TNRC18: variants seen among roughly 807,000 people sequenced by gnomAD.
TNRC18 encodes trinucleotide repeat containing 18, also known as trinucleotide repeat-containing gene 18 protein.
In TNRC18, 69 loss-of-function variants were observed where a neutral mutation model predicts 226.7. The ratio of observed to expected loss-of-function variants is 0.30; its 90% CI spans 0.25 to 0.37. TNRC18 has a LOEUF of 0.37. TNRC18 is among the 10% of genes least tolerant of loss of function. TNRC18 has a pLI of 1.00. For missense variants in TNRC18, 4,754 were observed against 4,256.6 expected (o/e 1.12, Z -3.25); for synonymous variants, 2,449 against 1,927.6 (o/e 1.27, Z -7.09).
chr7:5,315,907 G>A (rs1787798452), intron 25 of TNRC18, 49 bp downstream of exon 25: 1 of 1,423,464 alleles, frequency 7.0e-7, no homozygotes, highest in Non-Finnish European at 9.5e-7. Flanking sequence ...CGAGAGCCTG[G>A]GTGGGCGGCC....
intron 11 of TNRC18, among the ~76,000 whole-genome samples, chr7:5,364,198 T>G (rs1433863002): frequency 6.6e-6 from 1 of 151,880 alleles, no homozygotes; most frequent in African/African-American, 2.4e-5. Context: ...ATTCGGGGGT[T>G]GAGGCATAAG....
intron 2 of TNRC18, among the ~76,000 whole-genome samples, chr7:5,405,092 G>A (rs985340123): frequency 2.0e-5 from 3 of 150,840 alleles, no homozygotes; most frequent in African/African-American, 7.4e-5. Flanking sequence ...ACTCCAGCCT[G>A]GGCAACAGAG....
chr7:5,322,981 C>A lies in TNRC18; in HGVS notation c.6442+1233G>T, dbSNP rs1270932316. The stretch of plus-strand genomic sequence containing the variant: ...CTTAAGCCCAACTTTTCCTCTTAAG[C>A]CACGGGTCTGGCAGGATAAACAACA... On this transcript the variant is annotated intron_variant, in intron 21 of 29. Transcript: ENST00000430969. Among the ~76,000 whole-genome samples, 6 of 152,184 alleles carry A rather than the reference C, an allele frequency of 3.9e-5. No individual in the cohort carries two copies. In the East Asian group the frequency reaches 9.6e-4, roughly 24 times the overall value.
At chr7:5,399,280 G>A (rs777912904) in intron 2 of TNRC18, among the ~76,000 whole-genome samples, 10 of 152,126 alleles carry the variant, frequency 6.6e-5, no homozygotes, top group African/African-American at 2.4e-4. Flanking sequence ...ACCAACCTGC[G>A]GTATGGGGGT....
At chr7:5,315,246 A>T in intron 25 of TNRC18, 98 bp from the exon 26 acceptor site, 2 of 1,340,274 alleles carry the variant, frequency 1.5e-6, no homozygotes, top group Non-Finnish European at 2.0e-6. Context: ...ATGGGGGCGG[A>T]AGCAACCGAC....
chr7:5,335,466 G>A (rs1453886259), intron 18 of TNRC18, among the ~76,000 whole-genome samples: 3 of 151,826 alleles, frequency 2.0e-5, no homozygotes, highest in Non-Finnish European at 4.4e-5. Context: ...AAATTAGCCA[G>A]GCATGGTGGT....
chr7:5,332,793 G>A lies in TNRC18; in HGVS notation c.5976C>T (p.Asp1992=), dbSNP rs754506287. 2 of 1,513,382 alleles carry A rather than the reference G, an allele frequency of 1.3e-6. No homozygotes were observed. Among genetic ancestry groups the A allele is most frequent in the South Asian group, 1.2e-5 (1 of 82,004 alleles). The allele number at this position is 1,513,382 out of a possible 1,614,324, so 93.7% of individuals were successfully genotyped here. A position where few individuals can be genotyped will look rare whatever the true frequency, so the allele number is the denominator to read the frequency against. The change falls in exon 19 of 30, where the codon GAC becomes GAT. Residue 1992 remains aspartate (D), a synonymous_variant. Transcript: ENST00000430969. ...GCTCGCTGCGGCGCCGCGTCCACAG[G>A]TCGTCGTCGCTGGCCTCGGGCCCCG... ...FEAGPEASDD[D]LWTRRRSERI... is the part of the protein sequence containing the mutation.
At chr7:5,392,445 C>T (rs1456241466) in intron 3 of TNRC18, among the ~76,000 whole-genome samples, 6 of 151,902 alleles carry the variant, frequency 3.9e-5, no homozygotes, top group African/African-American at 1.5e-4. Flanking sequence ...AAAGCCCTGT[C>T]TGTACTAAAA....
At chr7:5,356,180 A>G (rs1377310546) in intron 16 of TNRC18, among the ~76,000 whole-genome samples, 1 of 146,318 alleles carries the variant, frequency 6.8e-6, no homozygotes, top group Non-Finnish European at 1.5e-5. Flanking sequence ...AAAAAAAAAA[A>G]AAAAGAAAGA....
intron 9 of TNRC18, among the ~76,000 whole-genome samples, chr7:5,374,813 T>G (rs1030935009): frequency 1.3e-5 from 2 of 152,138 alleles, no homozygotes; most frequent in African/African-American, 4.8e-5. Context: ...GGGGGCCAGA[T>G]GGGGGGCACA....
At position 5,377,328 on chromosome 7, in the gene TNRC18, C is replaced by A; in HGVS notation, c.2461+43G>T. ...TTGTCCTGCACCCGCCCCCTCCCACCCCTCCCTCAGAGAAGGGGAGAGACC... is the reference window on the plus strand; with the variant it reads ...TTGTCCTGCACCCGCCCCCTCCCACACCTCCCTCAGAGAAGGGGAGAGACC... On this transcript the variant is annotated intron_variant, in intron 7 of 29. Transcript: ENST00000430969. This position sits in a 1 kb window ranked among gnomAD's most constrained non-coding sequence, Gnocchi z 5.8. The A allele has an allele frequency of 8.3e-7, 1 of 1,211,542 alleles. No homozygotes were observed. The highest frequency in any genetic ancestry group is 1.5e-5 in the South Asian group (1 of 68,448). 75.0% of individuals were successfully genotyped at this position (1,211,542 alleles called of 1,614,324 possible). A position where few individuals can be genotyped will look rare whatever the true frequency, so the allele number is the denominator to read the frequency against.
intron 10 of TNRC18, among the ~76,000 whole-genome samples, chr7:5,372,197 A>G (rs1794219939): frequency 6.6e-6 from 1 of 151,064 alleles, no homozygotes; most frequent in African/African-American, 2.4e-5. Context: ...CCTCCCAAGT[A>G]GCTGGGACGA....
intron 14 of TNRC18, among the ~76,000 whole-genome samples, chr7:5,360,240 A>T (rs1255387272): frequency 4.8e-5 from 7 of 146,800 alleles, no homozygotes; most frequent in Non-Finnish European, 9.0e-5. Context: ...TATTTATTTA[A>T]TTTATTTTTA....
At position 5,332,909 on chromosome 7, in the gene TNRC18, C is replaced by T. The variant is rs866070564; in HGVS notation, c.5860G>A (p.Asp1954Asn). The change falls in exon 19 of 30, where the codon GAC (aspartate) becomes AAC (asparagine). Residue 1954 changes from aspartate to asparagine, a missense_variant. Transcript: ENST00000430969. ...TTGGCCTTGTCTGGGCTGCTGGGGT[C>T]GGGACCGCGGGCGCCAGGCGTGGGT... The part of the protein sequence containing the change: ...AAPTPGARGP[D>N]PSSPDKAKLA... 4.6e-6 allele frequency: 7 copies of T among 1,536,884 alleles called. No homozygotes were observed. Among genetic ancestry groups the T allele is most frequent in the Middle Eastern group, 4.1e-4 (2 of 4,906 alleles).
Position 5,421,346 on chromosome 7 carries a change from CGGCGGGGGCTCCGCGGCGTGCAT to C in TNRC18, c.-123_-101del. The C allele has an allele frequency of 9.0e-7, 1 of 1,112,792 alleles. No individual in the cohort carries two copies. Among genetic ancestry groups the C allele is most frequent in the Non-Finnish European group, 1.1e-6 (1 of 883,912 alleles). 68.9% of individuals were successfully genotyped at this position (1,112,792 alleles called of 1,614,324 possible). A position where few individuals can be genotyped will look rare whatever the true frequency, so the allele number is the denominator to read the frequency against. On this transcript the variant is annotated 5_prime_UTR_variant, in exon 2 of 30. The change abolishes an upstream ATG in the 5' untranslated region. Transcript: ENST00000430969. The stretch of plus-strand genomic sequence containing the variant: ...TCGGCGTAGTCCCAGAGTCCTCGGG[CGGCGGGGGCTCCGCGGCGTGCAT>C]GGCGGCGGCCAGCGGGGCTTGCGCT...
chr7:5,415,463 G>A (rs1411188229), intron 2 of TNRC18, among the ~76,000 whole-genome samples: 1 of 133,382 alleles, frequency 7.5e-6, no homozygotes, highest in Non-Finnish European at 1.5e-5. Context: ...TGCAACCTCC[G>A]CCTCCCGTGT....
chr7:5,323,656 C>A (rs1422962115), intron 21 of TNRC18, among the ~76,000 whole-genome samples: 1 of 151,374 alleles, frequency 6.6e-6, no homozygotes, highest in Non-Finnish European at 1.5e-5. Flanking sequence ...CAACCTCCGC[C>A]TCCTGGTTTC....
intron 18 of TNRC18, among the ~76,000 whole-genome samples, chr7:5,340,574 TAA>T (rs35345181): frequency 5.2e-4 from 77 of 149,062 alleles, no homozygotes; most frequent in Middle Eastern, 3.5e-3. Flanking sequence ...CCATCTCTAC[TAA>T]AAAAAAAAAC....
In TNRC18 at chr7:5,359,321, G is replaced by GGGAGCGTGAACTCTTAAC. The variant is rs766581399; in HGVS notation, c.4833+59_4833+76dup. The GGGAGCGTGAACTCTTAAC allele has an allele frequency of 5.6e-4, 828 of 1,467,820 alleles. 2 individuals carry two copies. Among genetic ancestry groups the GGGAGCGTGAACTCTTAAC allele is most frequent in the Non-Finnish European group, 6.3e-4 (666 of 1,055,976 alleles). 90.9% of individuals were successfully genotyped at this position (1,467,820 alleles called of 1,614,324 possible). ...TGTACAGGAACAAAGGGCCTGCGAA[G>GGGAGCGTGAACTCTTAAC]GGAGCGTGAACTCTTAACACACCCT... is the stretch of plus-strand genomic sequence containing the variant. On this transcript the variant is annotated intron_variant, in intron 15 of 29. Transcript: ENST00000430969.
Sources: gnomAD v4.1 joint callset for allele counts (sites outside exome capture counted in the v4.1 genomes callset) on GRCh38, gnomAD v4.1.1 for gene constraint, Gnocchi (gnomAD v3.1) non-coding constraint, MANE v1.5 for transcripts, NCBI Gene and HGNC (gene_info 2026-07-23, HGNC 2026-07-21) for gene names.